Variants in DLG2 observed in about 807,000 individuals in gnomAD.
DLG2 encodes the protein disks large homolog 2.
Under a neutral mutation model 132.5 loss-of-function variants are expected in DLG2, and 45 were observed. The observed-to-expected ratio is 0.34, with a 90% CI of 0.27 to 0.44. The LOEUF is 0.44. DLG2 is among the 20% of genes least tolerant of loss of function. The probability of loss-of-function intolerance (pLI) is 1.00; values close to 1 mark genes in which losing one functional copy is unlikely to be tolerated. For synonymous variants in DLG2, 424 were observed against 419.6 expected (o/e 1.01, Z -0.13); for missense variants, 1,045 against 1,196.9 (o/e 0.87, Z 1.87).
chr11:85,254,981 A>G (rs1189081460), intron 4 of DLG2, among the ~76,000 whole-genome samples: 1 of 151,532 alleles, frequency 6.6e-6, no homozygotes, highest in Non-Finnish European at 1.5e-5. Context: ...CCTGGGCAAC[A>G]GAGCAAGACT....
intron 4 of DLG2, among the ~76,000 whole-genome samples, chr11:85,283,610 T>C (rs2152757445): frequency 6.6e-6 from 1 of 151,542 alleles, no homozygotes; most frequent in East Asian, 1.9e-4. Flanking sequence ...GAAAGAAAAA[T>C]AGACAACCAA....
At chr11:84,635,067 C>T (rs1367223958) in intron 6 of DLG2, among the ~76,000 whole-genome samples, 1 of 152,190 alleles carries the variant, frequency 6.6e-6, no homozygotes, top group African/African-American at 2.4e-5. Flanking sequence ...TTGAAGAAAA[C>T]AAAGCTTCAG....
chr11:84,697,497 C>A (rs1206847607), intron 6 of DLG2, among the ~76,000 whole-genome samples: 1 of 151,366 alleles, frequency 6.6e-6, no homozygotes, highest in Non-Finnish European at 1.5e-5. Flanking sequence ...TTTAGAAAAA[C>A]ACACAATAAA....
intron 3 of DLG2, among the ~76,000 whole-genome samples, chr11:85,563,566 G>A (rs779959080): frequency 1.2e-4 from 18 of 151,686 alleles, no homozygotes; most frequent in Non-Finnish European, 2.4e-4. Flanking sequence ...CATATAGTAT[G>A]TACTCTTTCA....
intron 6 of DLG2, among the ~76,000 whole-genome samples, chr11:84,823,220 C>A (rs1472155530): frequency 6.6e-6 from 1 of 151,730 alleles, no homozygotes; most frequent in East Asian, 1.9e-4. Flanking sequence ...TTTCACCTGA[C>A]TTTTAGAAAT....
At chr11:83,484,266 C>T (rs765869537) in intron 21 of DLG2, 38 bp from the exon 22 acceptor site, 25 of 1,456,474 alleles carry the variant, frequency 1.7e-5, no homozygotes, top group Middle Eastern at 1.7e-4. Flanking sequence ...AAACAGGGGA[C>T]GTCTAATTGT....
rs563474489 is a variant in DLG2, at chr11:85,565,515, C to T, written c.40+33142G>A. 7.2e-5 allele frequency among the ~76,000 whole-genome samples: 11 copies of T among 152,216 alleles called. No individual in the cohort carries two copies. The East Asian group carries it at 1.9e-3, about 27-fold the overall frequency. On this transcript the variant is annotated intron_variant, in intron 3 of 27. Transcript: ENST00000376104. ...CTCATTAAGCTGTCACTCCCCATTC[C>T]CCTGACCCTTAGCCTCTAGCAAACA... is the stretch of plus-strand genomic sequence containing the variant.
At chr11:85,073,695 G>A (rs2154168244) in intron 6 of DLG2, among the ~76,000 whole-genome samples, 1 of 151,822 alleles carries the variant, frequency 6.6e-6, no homozygotes, top group African/African-American at 2.4e-5. Context: ...TTCTTTCTAA[G>A]GTTTCAAGAA....
intron 5 of DLG2, among the ~76,000 whole-genome samples, chr11:85,115,613 A>C (rs1045916796): frequency 6.6e-6 from 1 of 151,978 alleles, no homozygotes; most frequent in South Asian, 2.1e-4. Context: ...GAATTGAGGC[A>C]AAAGGTGGAA....
At chr11:84,043,510 T>C (rs980699214) in intron 11 of DLG2, among the ~76,000 whole-genome samples, 2 of 151,766 alleles carry the variant, frequency 1.3e-5, no homozygotes, top group Non-Finnish European at 2.9e-5. Context: ...TCAACAGTTA[T>C]CTTTTCTCAC....
chr11:83,564,355 GC>G (rs1346689125), intron 19 of DLG2, among the ~76,000 whole-genome samples: 1 of 152,144 alleles, frequency 6.6e-6, no homozygotes, highest in Non-Finnish European at 1.5e-5. Context: ...GGGGTCAGGA[GC>G]CCTAGATCTC....
chr11:83,921,570 A>AT (rs1407938741), intron 15 of DLG2, among the ~76,000 whole-genome samples: 1 of 152,188 alleles, frequency 6.6e-6, no homozygotes, highest in Non-Finnish European at 1.5e-5. Context: ...GTTTTAATTA[A>AT]TATCTACGCA....
intron 16 of DLG2, among the ~76,000 whole-genome samples, chr11:83,837,187 T>C (rs2056415534): frequency 6.6e-6 from 1 of 152,140 alleles, no homozygotes; most frequent in African/African-American, 2.4e-5. Flanking sequence ...TCATTGCCAC[T>C]GTGCAGGGGT....
intron 11 of DLG2, among the ~76,000 whole-genome samples, chr11:84,043,185 G>A (rs1269613261): frequency 1.3e-5 from 2 of 149,950 alleles, no homozygotes; most frequent in South Asian, 2.1e-4. Context: ...TAAATTTATT[G>A]CTTAAATAAA....
intron 18 of DLG2, among the ~76,000 whole-genome samples, chr11:83,750,279 T>C (rs1165374202): frequency 1.3e-5 from 2 of 152,186 alleles, no homozygotes; most frequent in Non-Finnish European, 1.5e-5. Flanking sequence ...TTAGTTGTTA[T>C]TCTGTGACTG....
At chr11:85,621,278 C>T (rs907301009) in intron 2 of DLG2, among the ~76,000 whole-genome samples, 8 of 152,030 alleles carry the variant, frequency 5.3e-5, no homozygotes, top group African/African-American at 1.9e-4. Flanking sequence ...ACCTAGTCAC[C>T]CAAGAGCTCC....
At chr11:83,536,222 C>A (rs2095873233) in intron 20 of DLG2, among the ~76,000 whole-genome samples, 1 of 152,158 alleles carries the variant, frequency 6.6e-6, no homozygotes, top group African/African-American at 2.4e-5. Context: ...CAAATTTAAG[C>A]ATACAATCGA....
intron 7 of DLG2, among the ~76,000 whole-genome samples, chr11:84,442,919 A>G (rs1321542046): frequency 6.6e-6 from 1 of 152,214 alleles, no homozygotes; most frequent in Non-Finnish European, 1.5e-5. Flanking sequence ...ATGTTTTATC[A>G]CTATGGACAA....
At chr11:84,764,422 G>A (rs541181182) in intron 6 of DLG2, among the ~76,000 whole-genome samples, 12 of 151,998 alleles carry the variant, frequency 7.9e-5, no homozygotes, top group South Asian at 4.1e-4. Flanking sequence ...ATATTTTGAC[G>A]CACCTAACAA....
Sources: allele counts gnomAD v4.1 joint callset (sites outside exome capture counted in the v4.1 genomes callset), GRCh38; gene constraint gnomAD v4.1.1; transcripts MANE v1.5; gene names NCBI Gene and HGNC (gene_info 2026-07-23, HGNC 2026-07-21).